GLCCI1: variants seen among roughly 807,000 people sequenced by gnomAD.
The protein encoded by GLCCI1 is glucocorticoid-induced transcript 1 protein.
A neutral mutation model predicts 52.2 loss-of-function variants in GLCCI1; 24 were observed. The observed-to-expected ratio is 0.46, with a 90% confidence interval of 0.33 to 0.65. The LOEUF is 0.65. GLCCI1 is among the 30% of genes least tolerant of loss of function. The pLI is 0.02. For synonymous variants in GLCCI1, 310 were observed against 276.5 expected, an observed-to-expected ratio of 1.12 and a Z score of -1.20; for missense variants, 704 against 701.5, an observed-to-expected ratio of 1.00 and a Z score of -0.04.
chr7:8,004,875 AG>A (rs1231848215), intron 2 of GLCCI1, among the ~76,000 whole-genome samples: 1 of 152,184 alleles, frequency 6.6e-6, no homozygotes, highest in African/African-American at 2.4e-5. Flanking sequence ...GAATAATTAG[AG>A]TTTCATGTCC....
At chr7:8,028,957 A>C (rs1781687446) in intron 3 of GLCCI1, among the ~76,000 whole-genome samples, 1 of 152,160 alleles carries the variant, frequency 6.6e-6, no homozygotes, top group Admixed American at 6.5e-5. Flanking sequence ...AACCCATACT[A>C]AAAAGTCTTC....
chr7:8,053,562 T>C (rs928642224), intron 3 of GLCCI1, among the ~76,000 whole-genome samples: 2 of 151,480 alleles, frequency 1.3e-5, no homozygotes, highest in African/African-American at 4.9e-5. Flanking sequence ...CTTCAACTGC[T>C]GATCCACCTG....
At chr7:7,985,936 A>G (rs1398655950) in intron 1 of GLCCI1, among the ~76,000 whole-genome samples, 1 of 152,182 alleles carries the variant, frequency 6.6e-6, no homozygotes, top group African/African-American at 2.4e-5. Context: ...TAATTACTGC[A>G]TTTCTATTGG....
chr7:8,011,592 G>A (rs938677993), intron 2 of GLCCI1, among the ~76,000 whole-genome samples: 1 of 152,116 alleles, frequency 6.6e-6, no homozygotes, highest in Non-Finnish European at 1.5e-5. Context: ...TGCAAATAAT[G>A]CTGCTAGCAA....
chr7:8,023,557 T>A (rs1207227270), intron 3 of GLCCI1, among the ~76,000 whole-genome samples: 2 of 149,460 alleles, frequency 1.3e-5, no homozygotes, highest in Non-Finnish European at 3.0e-5. Flanking sequence ...TAAATACTCC[T>A]TAAAAAGATG....
rs552181423 is a variant in GLCCI1 at position 8,080,192 on chromosome 7, T to C, written c.1178-4705T>C. On this transcript the variant is annotated intron_variant, in intron 6 of 7. Coordinates refer to ENST00000223145, the MANE Select transcript of GLCCI1 (RefSeq NM_138426.4). ...ATTAGGCCTTCAAACCCCATTATAG[T>C]TGATAATTTCATTTCCTGAAGCAAA... Among the ~76,000 whole-genome samples the C allele has an allele frequency of 2.0e-5, 3 of 151,672 alleles. No individual in the cohort carries two copies. The East Asian group carries it at 5.8e-4, about 29-fold the overall frequency.
chr7:8,033,767 GACTTA>G (rs1781807592), intron 3 of GLCCI1, among the ~76,000 whole-genome samples: 1 of 152,092 alleles, frequency 6.6e-6, no homozygotes, highest in South Asian at 2.1e-4. Flanking sequence ...TAAATGGAAA[GACTTA>G]ACTTGTTCAT....
chr7:7,969,531 C>T lies in GLCCI1; in HGVS notation c.181C>T (p.Leu61=). The T allele has an allele frequency of 1.0e-6, 1 of 992,532 alleles. No homozygotes were observed. Among genetic ancestry groups the T allele is most frequent in the African/African-American group, 1.8e-5 (1 of 56,868 alleles). The allele number at this position is 992,532 out of a possible 1,614,324, so 61.5% of individuals were successfully genotyped here. A position where few individuals can be genotyped will look rare whatever the true frequency, so the allele number is the denominator to read the frequency against. The part of the protein sequence containing the change: ...CAPAAGAGRL[L]QPIRATVPYQ... The stretch of plus-strand genomic sequence containing the variant: ...CCCGGCTGCGGGAGCCGGCCGGCTG[C>T]TGCAGCCCATCCGCGCCACGGTGCC... The change falls in exon 1 of 8, where the codon CTG becomes TTG. Residue 61 remains leucine (L), a synonymous_variant. Transcript: ENST00000223145. The surrounding 1 kb of genome is among the most constrained non-coding windows in gnomAD (Gnocchi z 4.9).
At chr7:7,985,895 A>T (rs1481672438) in intron 1 of GLCCI1, among the ~76,000 whole-genome samples, 1 of 152,226 alleles carries the variant, frequency 6.6e-6, no homozygotes, top group Non-Finnish European at 1.5e-5. Context: ...TTGGTATTTA[A>T]ATTCAAACTT....
intron 4 of GLCCI1, among the ~76,000 whole-genome samples, chr7:8,056,659 A>T (rs1017907461): frequency 6.6e-6 from 1 of 152,196 alleles, no homozygotes; most frequent in Non-Finnish European, 1.5e-5. Flanking sequence ...AAATATGTTA[A>T]TTTAGTTCAT....
intron 3 of GLCCI1, among the ~76,000 whole-genome samples, chr7:8,042,288 A>G (rs1782018092): frequency 1.3e-5 from 2 of 152,260 alleles, no homozygotes; most frequent in Non-Finnish European, 2.9e-5. Context: ...ACCATAGATA[A>G]TGATTCCTTT....
At chr7:8,054,820 C>T (rs1212000056) in intron 3 of GLCCI1, among the ~76,000 whole-genome samples, 1 of 151,992 alleles carries the variant, frequency 6.6e-6, no homozygotes, top group Non-Finnish European at 1.5e-5. Context: ...AATGACTTTT[C>T]TGTGAAACGA....
chr7:8,016,015 C>G (rs1481037841), intron 2 of GLCCI1, among the ~76,000 whole-genome samples: 2 of 152,336 alleles, frequency 1.3e-5, no homozygotes, highest in South Asian at 4.1e-4. Context: ...GAATAACACT[C>G]TTACTCTGGT....
chr7:8,078,989 T>C (rs1339563336), intron 6 of GLCCI1, among the ~76,000 whole-genome samples: 1 of 152,236 alleles, frequency 6.6e-6, no homozygotes, highest in African/African-American at 2.4e-5. Context: ...AATGTTGCAC[T>C]GACAACATTG....
chr7:8,071,570 A>G (rs1179853046), intron 6 of GLCCI1, among the ~76,000 whole-genome samples: 1 of 152,238 alleles, frequency 6.6e-6, no homozygotes, highest in African/African-American at 2.4e-5. Flanking sequence ...AACCAAGTTT[A>G]TAAAGCTTAG....
intron 1 of GLCCI1, among the ~76,000 whole-genome samples, chr7:7,984,622 T>C (rs1204988358): frequency 2.0e-5 from 3 of 152,234 alleles, no homozygotes; most frequent in African/African-American, 2.4e-5. Flanking sequence ...CAAAATGTTA[T>C]TTACGCAAAC....
chr7:8,068,237 C>G (rs1782676815), intron 5 of GLCCI1, among the ~76,000 whole-genome samples: 1 of 152,158 alleles, frequency 6.6e-6, no homozygotes, highest in African/African-American at 2.4e-5. Context: ...ATAATCCCAG[C>G]TACTCAGGAG....
rs1780824699 is a variant in GLCCI1, at chr7:7,990,783, T to C, written c.458-13125T>C. Among the ~76,000 whole-genome samples, 6 of 152,136 alleles carry C rather than the reference T, an allele frequency of 3.9e-5. 1 individual carries two copies. On this transcript the variant is annotated intron_variant, in intron 1 of 7. Coordinates refer to ENST00000223145, the MANE Select transcript of GLCCI1 (RefSeq NM_138426.4). ...TACATATTTGATTCTTTGGTGTCAA[T>C]ATATATGAAAGTAAATGCTAGAATT...
At chr7:8,052,981 T>C (rs1782292215) in intron 3 of GLCCI1, among the ~76,000 whole-genome samples, 2 of 151,394 alleles carry the variant, frequency 1.3e-5, no homozygotes, top group Non-Finnish European at 2.9e-5. Context: ...ACCAGTCTTT[T>C]GAGGATAAGG....
Sources: gnomAD v4.1 joint callset for allele counts (sites outside exome capture counted in the v4.1 genomes callset) on GRCh38, gnomAD v4.1.1 for gene constraint, Gnocchi (gnomAD v3.1) non-coding constraint, MANE v1.5 for transcripts, NCBI Gene and HGNC (gene_info 2026-07-23, HGNC 2026-07-21) for gene names.